BRF1: variants seen among roughly 807,000 people sequenced by gnomAD.
BRF1 encodes BRF1 general transcription factor IIIB subunit, also known as transcription factor IIIB 90 kDa subunit.
Under a neutral mutation model 81.7 loss-of-function variants are expected in BRF1, and 59 were observed. That is an observed-to-expected ratio of 0.72 (90% CI 0.59 to 0.90). The LOEUF (loss-of-function observed/expected upper bound fraction) is 0.90. BRF1 is among the 40% of genes least tolerant of loss of function. The probability of loss-of-function intolerance (pLI) is 0.00; values close to 1 mark genes in which losing one functional copy is unlikely to be tolerated. For synonymous variants in BRF1, 491 were observed against 395.6 expected (o/e 1.24, Z -2.86); for missense variants, 1,050 against 936.3 (o/e 1.12, Z -1.58).
At chr14:105,244,970 A>G (rs1297400708) in intron 5 of BRF1, among the ~76,000 whole-genome samples, 1 of 151,650 alleles carries the variant, frequency 6.6e-6, no homozygotes, top group Non-Finnish European at 1.5e-5. Context: ...ACTAAAAATG[A>G]GCAAAAACAA....
chr14:105,272,285 G>A (rs867447694), intron 3 of BRF1, among the ~76,000 whole-genome samples: 1 of 152,120 alleles, frequency 6.6e-6, no homozygotes, highest in African/African-American at 2.4e-5. Flanking sequence ...CCCACCCATC[G>A]CCCACAGTCA....
chr14:105,226,355 G>A, intron 8 of BRF1, 65 bp from the exon 9 acceptor site: 1 of 1,603,504 alleles, frequency 6.2e-7, no homozygotes. Context: ...AGCCTCTGGG[G>A]TGCCGCGTGG....
chr14:105,263,012 G>A (rs2056227717), intron 3 of BRF1, among the ~76,000 whole-genome samples: 3 of 151,892 alleles, frequency 2.0e-5, no homozygotes, highest in Admixed American at 6.6e-5. Flanking sequence ...AGGCCGAGGC[G>A]GGCAGATGAC....
intron 3 of BRF1, among the ~76,000 whole-genome samples, chr14:105,272,507 G>A (rs587642016): frequency 1.3e-5 from 2 of 152,358 alleles, no homozygotes; most frequent in African/African-American, 4.8e-5. Context: ...GCTGTGCGAG[G>A]AAGGCAGGTG....
chr14:105,298,821 C>T (rs2057849689), intron 1 of BRF1, among the ~76,000 whole-genome samples: 1 of 151,026 alleles, frequency 6.6e-6, no homozygotes, highest in African/African-American at 2.4e-5. Flanking sequence ...TGCCACTGCA[C>T]TCCAGCCTGG....
chr14:105,293,040 C>T (rs587716366), intron 1 of BRF1, among the ~76,000 whole-genome samples: 128 of 152,328 alleles, frequency 8.4e-4, no homozygotes, highest in African/African-American at 2.8e-3. Flanking sequence ...AGAATTCACC[C>T]GTTTCCTAAG....
At chr14:105,217,518 C>A in intron 15 of BRF1, 26 bp downstream of exon 15, 4 of 1,601,404 alleles carry the variant, frequency 2.5e-6, no homozygotes, top group Non-Finnish European at 3.4e-6. Flanking sequence ...GCTGCCCTAA[C>A]CCAGCCACTC....
rs758769277 is a variant in BRF1 at position 105,209,602 on chromosome 14, C to T, written c.*949G>A. The T allele has an allele frequency of 1.3e-5, 9 of 702,166 alleles. No homozygotes were observed. Among genetic ancestry groups the T allele is most frequent in the Middle Eastern group, 2.3e-4 (1 of 4,344 alleles). 43.5% of individuals were successfully genotyped at this position (702,166 alleles called of 1,614,324 possible). Reference sequence around the variant, plus strand: ...TACGAGTGGTACTGGGGCCTTCCCACGAAGAGGCCTGGGGAGGCTCTCGGG... The same window carrying T: ...TACGAGTGGTACTGGGGCCTTCCCATGAAGAGGCCTGGGGAGGCTCTCGGG... On this transcript the variant is annotated 3_prime_UTR_variant, in exon 18 of 18. Transcript: ENST00000547530.
At chr14:105,229,619 C>T (rs587647805) in intron 6 of BRF1, among the ~76,000 whole-genome samples, 1 of 152,248 alleles carries the variant, frequency 6.6e-6, no homozygotes, top group Non-Finnish European at 1.5e-5. Context: ...AGAGGTCCAA[C>T]TAGAACAGTC....
intron 10 of BRF1, among the ~76,000 whole-genome samples, chr14:105,222,802 G>A (rs1441481990): frequency 6.6e-6 from 1 of 152,032 alleles, no homozygotes; most frequent in Non-Finnish European, 1.5e-5. Context: ...CTAATTTTTT[G>A]TATTTTTAGA....
chr14:105,226,217 A>AC, intron 9 of BRF1, 34 bp downstream of exon 9: 2 of 1,614,066 alleles, frequency 1.2e-6, no homozygotes, highest in South Asian at 2.2e-5. Context: ...TCCCAACAAA[A>AC]CAGAAGCATT....
chr14:105,285,429 A>G (rs2057279480), intron 2 of BRF1, among the ~76,000 whole-genome samples: 1 of 152,270 alleles, frequency 6.6e-6, no homozygotes, highest in Non-Finnish European at 1.5e-5. Flanking sequence ...AGTGTTTTCA[A>G]CACATGGTCC....
In BRF1 at chr14:105,269,819, G is replaced by A. The variant is rs587756866; in HGVS notation, c.439+2902C>T. Among the ~76,000 whole-genome samples the A allele has an allele frequency of 5.8e-4, 89 of 152,308 alleles. No individual in the cohort carries two copies. The highest frequency in any genetic ancestry group is 6.2e-4 in the South Asian group (3 of 4,824). ...GGTTCCACCCCACCTTGCTGACGCT[G>A]GGGTCCCAGTGCCGGCCTGCACCCT... On this transcript the variant is annotated intron_variant, in intron 3 of 17. Coordinates refer to ENST00000547530, the MANE Select transcript of BRF1 (RefSeq NM_001519.4). The surrounding 1 kb of genome is among the most constrained non-coding windows in gnomAD (Gnocchi z 5.0).
At chr14:105,314,846 CCCGGCCCGCCCGCCGCGCGT>C (rs2058494996) in intron 1 of BRF1, 1 of 647,330 alleles carries the variant, frequency 1.5e-6, no homozygotes, top group Non-Finnish European at 1.9e-6. Context: ...CCTCCGCGCG[CCCGGCCCGCCCGCCGCGCGT>C]CCGCGGCCCG....
intron 1 of BRF1, among the ~76,000 whole-genome samples, chr14:105,287,058 G>A (rs2057340772): frequency 6.6e-6 from 1 of 152,242 alleles, no homozygotes; most frequent in Non-Finnish European, 1.5e-5. Context: ...CCAGTCTGCA[G>A]AAGGCCCCCA....
At chr14:105,242,229 A>G (rs903220522) in intron 5 of BRF1, 20 of 152,178 alleles carry the variant, frequency 1.3e-4, no homozygotes, top group African/African-American at 4.8e-4. Context: ...TACACACTGC[A>G]TGAACGCATC....
At chr14:105,265,489 C>A (rs372120055) in intron 3 of BRF1, among the ~76,000 whole-genome samples, 1 of 152,148 alleles carries the variant, frequency 6.6e-6, no homozygotes. Flanking sequence ...CAGTGGTTCA[C>A]GCCTGTAATC....
At chr14:105,250,117 C>T (rs1177153504) in intron 5 of BRF1, 1 of 1,613,016 alleles carries the variant, frequency 6.2e-7, no homozygotes, top group Admixed American at 1.7e-5. Flanking sequence ...CCCAGTCAGA[C>T]ATCCTGACTC....
intron 4 of BRF1, among the ~76,000 whole-genome samples, chr14:105,253,301 G>T (rs750830862): frequency 1.2e-4 from 18 of 152,196 alleles, no homozygotes; most frequent in Non-Finnish European, 1.9e-4. Context: ...ATGTCTGCTG[G>T]CAGGTGTGGA....
Sources: gnomAD v4.1 joint callset for allele counts (sites outside exome capture counted in the v4.1 genomes callset) on GRCh38, gnomAD v4.1.1 for gene constraint, Gnocchi (gnomAD v3.1) non-coding constraint, MANE v1.5 for transcripts, NCBI Gene and HGNC (gene_info 2026-07-23, HGNC 2026-07-21) for gene names.